The following USP13 variants were observed in gnomAD, a reference collection of about 807,000 sequenced individuals.
USP13 encodes the protein ubiquitin carboxyl-terminal hydrolase 13.
A neutral mutation model predicts 107.8 loss-of-function variants in USP13; 68 were observed. The ratio of observed to expected loss-of-function variants is 0.63; its 90% CI spans 0.52 to 0.77. USP13 has a LOEUF of 0.77. Ranked by LOEUF, USP13 falls within the 30% of genes least tolerant of loss-of-function variation. The pLI, the probability that USP13 is intolerant of heterozygous loss-of-function variation, is 0.00. For missense variants in USP13, 945 were observed against 1,093.3 expected, an observed-to-expected ratio of 0.86 and a Z score of 1.91; for synonymous variants, 377 against 389.5, an observed-to-expected ratio of 0.97 and a Z score of 0.38.
chr3:179,700,092 T>C (rs938059341), intron 3 of USP13, among the ~76,000 whole-genome samples: 3 of 152,096 alleles, frequency 2.0e-5, no homozygotes, highest in Admixed American at 1.3e-4. Context: ...CCTGTGAAAG[T>C]GATGCTGAAA....
intron 19 of USP13, among the ~76,000 whole-genome samples, chr3:179,777,194 GA>G (rs1715573047): frequency 6.6e-6 from 1 of 152,076 alleles, no homozygotes; most frequent in African/African-American, 2.4e-5. Flanking sequence ...ACAAAGAGAG[GA>G]AAATGCTTTT....
chr3:179,782,750 ATC>A (rs1309527971), intron 20 of USP13, among the ~76,000 whole-genome samples: 3 of 151,986 alleles, frequency 2.0e-5, no homozygotes, highest in African/African-American at 7.2e-5. Context: ...ACAGGAATTT[ATC>A]TCTTTTTTTT....
chr3:179,664,907 G>A (rs1204678301), intron 1 of USP13, among the ~76,000 whole-genome samples: 1 of 152,074 alleles, frequency 6.6e-6, no homozygotes, highest in African/African-American at 2.4e-5. Context: ...GGCCAACATG[G>A]TGAAACTCCG....
At chr3:179,749,547 T>G (rs901617861) in intron 13 of USP13, among the ~76,000 whole-genome samples, 1 of 152,150 alleles carries the variant, frequency 6.6e-6, no homozygotes, top group African/African-American at 2.4e-5. Flanking sequence ...AAGCATAACT[T>G]TTGAGATTGA....
intron 19 of USP13, among the ~76,000 whole-genome samples, chr3:179,766,822 T>C (rs1338335564): frequency 6.6e-6 from 1 of 152,208 alleles, no homozygotes; most frequent in Non-Finnish European, 1.5e-5. Context: ...CTTTGTGATA[T>C]CCTGTTTCTT....
At chr3:179,745,566 C>T (rs1714377433) in intron 13 of USP13, among the ~76,000 whole-genome samples, 1 of 151,768 alleles carries the variant, frequency 6.6e-6, no homozygotes, top group Non-Finnish European at 1.5e-5. Flanking sequence ...TCCTCCCAAC[C>T]TTGACCCCAC....
chr3:179,783,532 G>A (rs1233845370), intron 20 of USP13, among the ~76,000 whole-genome samples: 1 of 151,966 alleles, frequency 6.6e-6, no homozygotes, highest in Non-Finnish European at 1.5e-5. Context: ...TTAAAATTCT[G>A]GTTTTAAGCT....
At chr3:179,686,688 G>A (rs1201358505) in intron 2 of USP13, among the ~76,000 whole-genome samples, 1 of 152,208 alleles carries the variant, frequency 6.6e-6, no homozygotes, top group Non-Finnish European at 1.5e-5. Context: ...GATCTGGTCT[G>A]TACTACATCT....
chr3:179,658,175 T>C (rs560719145), intron 1 of USP13, among the ~76,000 whole-genome samples: 9 of 152,282 alleles, frequency 5.9e-5, no homozygotes, highest in South Asian at 2.1e-4. Flanking sequence ...AGGCTGGTCC[T>C]GAACTCCTGA....
chr3:179,676,451 T>C (rs1202229848), intron 1 of USP13, among the ~76,000 whole-genome samples: 5 of 151,950 alleles, frequency 3.3e-5, no homozygotes, highest in African/African-American at 9.7e-5. Flanking sequence ...GAGGATGAGG[T>C]TGAGGGTTTG....
At chr3:179,710,287 A>G (rs1238395586) in intron 6 of USP13, among the ~76,000 whole-genome samples, 1 of 152,184 alleles carries the variant, frequency 6.6e-6, no homozygotes, top group Admixed American at 6.5e-5. Flanking sequence ...TGGGTGTTGA[A>G]TGACTTTTCT....
At chr3:179,753,896 T>C (rs1225496181) in intron 14 of USP13, among the ~76,000 whole-genome samples, 2 of 152,214 alleles carry the variant, frequency 1.3e-5, no homozygotes, top group Non-Finnish European at 2.9e-5. Context: ...TGTATTTGAA[T>C]AAGTCAACAC....
chr3:179,659,688 G>A (rs891192419), intron 1 of USP13, among the ~76,000 whole-genome samples: 1 of 152,184 alleles, frequency 6.6e-6, no homozygotes, highest in African/African-American at 2.4e-5. Flanking sequence ...CACCCAGAGA[G>A]TAAGTAGGAG....
intron 1 of USP13, among the ~76,000 whole-genome samples, chr3:179,657,586 C>A (rs1476508757): frequency 6.6e-6 from 1 of 151,122 alleles, no homozygotes. Context: ...CGTGGTGAAA[C>A]CCTGTCTCTA....
chr3:179,747,810 T>A (rs935078714), intron 13 of USP13, among the ~76,000 whole-genome samples: 2 of 152,186 alleles, frequency 1.3e-5, no homozygotes, highest in Admixed American at 6.5e-5. Flanking sequence ...CTACAAAATA[T>A]TCAGTTGTAG....
rs188388303 is a variant in USP13 at position 179,743,526 on chromosome 3, T to C, written c.1534+1176T>C. On this transcript the variant is annotated intron_variant, in intron 12 of 20. Coordinates refer to ENST00000263966, the MANE Select transcript of USP13 (RefSeq NM_003940.3). Reference sequence around the variant, plus strand: ...TTATGATGATTTAAGATGAAACGATTTTCATTTTCTATATGCTCATGCAGT... The same window carrying C: ...TTATGATGATTTAAGATGAAACGATCTTCATTTTCTATATGCTCATGCAGT... Among the ~76,000 whole-genome samples the C allele has an allele frequency of 2.0e-5, 3 of 152,190 alleles. No individual in the cohort carries two copies. The East Asian group carries it at 5.8e-4, about 29-fold the overall frequency.
At position 179,713,747 on chromosome 3, in the gene USP13, AT is replaced by A. The variant is rs571743028; in HGVS notation, c.805+4792del. 1.1e-3 allele frequency among the ~76,000 whole-genome samples: 172 copies of A among 152,176 alleles called. 1 individual carries two copies. The highest frequency in any genetic ancestry group is 3.9e-3 in the African/African-American group (161 of 41,520). The stretch of plus-strand genomic sequence containing the variant: ...TGGGAAGCTGAATTATATTTAGAAG[AT>A]TGCTTAGTGAACGTGGAATCCAAGA... On this transcript the variant is annotated intron_variant, in intron 6 of 20. Transcript: ENST00000263966.
At chr3:179,760,273 T>A (rs13079640) in intron 16 of USP13, among the ~76,000 whole-genome samples, 1 of 150,178 alleles carries the variant, frequency 6.7e-6, no homozygotes, top group African/African-American at 2.5e-5. Flanking sequence ...TGTAAAGCCG[T>A]CTCTTAATGT....
intron 3 of USP13, among the ~76,000 whole-genome samples, chr3:179,691,449 G>A (rs538017001): frequency 5.3e-5 from 8 of 152,102 alleles, no homozygotes; most frequent in African/African-American, 7.2e-5. Context: ...TTTATCTGAT[G>A]TTTTCTCATG....
Sources: gnomAD v4.1 joint callset for allele counts (sites outside exome capture counted in the v4.1 genomes callset) on GRCh38, gnomAD v4.1.1 for gene constraint, MANE v1.5 for transcripts, NCBI Gene and HGNC (gene_info 2026-07-23, HGNC 2026-07-21) for gene names.